Variants in UBE2Z observed in about 807,000 individuals in gnomAD.
UBE2Z encodes ubiquitin-conjugating enzyme E2 Z.
In UBE2Z, 10 loss-of-function variants were observed where a neutral mutation model predicts 32.6. That is an observed-to-expected ratio of 0.31 (90% confidence interval 0.19 to 0.52). The LOEUF (loss-of-function observed/expected upper bound fraction) is 0.52, where lower values mean the gene tolerates loss of function less well. Among genes scored for constraint, UBE2Z ranks in the 20% least tolerant of loss-of-function variants. UBE2Z has a pLI of 0.97. For missense variants in UBE2Z, 343 were observed against 480.9 expected (o/e 0.71, Z 2.68); for synonymous variants, 183 against 190.8 (o/e 0.96, Z 0.34).
intron 6 of UBE2Z, among the ~76,000 whole-genome samples, chr17:48,923,461 C>T (rs1285015969): frequency 1.3e-5 from 2 of 151,706 alleles, no homozygotes; most frequent in Non-Finnish European, 2.9e-5. Flanking sequence ...TGAAACCCCG[C>T]CTCTACTAAA....
chr17:48,917,134 G>A (rs1224167226), intron 4 of UBE2Z, among the ~76,000 whole-genome samples: 2 of 152,090 alleles, frequency 1.3e-5, no homozygotes, highest in Non-Finnish European at 2.9e-5. Context: ...GTGAAACCCA[G>A]TCTGTACTAA....
At chr17:48,923,453 A>C (rs531023468) in intron 6 of UBE2Z, among the ~76,000 whole-genome samples, 13 of 152,040 alleles carry the variant, frequency 8.6e-5, no homozygotes, top group African/African-American at 3.1e-4. Flanking sequence ...CAACATGATG[A>C]AACCCCGCCT....
chr17:48,915,010 G>T (rs541539394), intron 3 of UBE2Z, among the ~76,000 whole-genome samples: 86 of 152,190 alleles, frequency 5.7e-4, no homozygotes, highest in African/African-American at 2.0e-3. Flanking sequence ...GACAGAGGGA[G>T]ACTTTGTCTC....
intron 3 of UBE2Z, among the ~76,000 whole-genome samples, chr17:48,913,890 T>C (rs1331389742): frequency 6.6e-6 from 1 of 151,668 alleles, no homozygotes; most frequent in African/African-American, 2.4e-5. Flanking sequence ...TTTGTTTTGT[T>C]TGTTTTTGTT....
At position 48,908,830 on chromosome 17, in the gene UBE2Z, G is replaced by A. The variant is rs1235297131; in HGVS notation, c.317+10G>A. On this transcript the variant is annotated intron_variant, in intron 1 of 6. Transcript: ENST00000360943. ...TACTCCGGATCAAGCGGTGAGCCGG[G>A]GTTTTTCCTCCCCCAGCCCCGAGCT... 11 of 1,488,654 alleles carry A rather than the reference G, an allele frequency of 7.4e-6. No individual in the cohort carries two copies. Among genetic ancestry groups the A allele is most frequent in the African/African-American group, 2.9e-5 (2 of 68,980 alleles). The allele number at this position is 1,488,654 out of a possible 1,614,324, so 92.2% of individuals were successfully genotyped here.
chr17:48,926,370 C>G (rs1026626369), intron 6 of UBE2Z, among the ~76,000 whole-genome samples: 2 of 152,132 alleles, frequency 1.3e-5, no homozygotes, highest in Admixed American at 1.3e-4. Context: ...TCCTATCTAT[C>G]TCACCCTTAT....
chr17:48,925,281 C>CAAA (rs200181647), intron 6 of UBE2Z, among the ~76,000 whole-genome samples: 1 of 108,294 alleles, frequency 9.2e-6, no homozygotes, highest in Non-Finnish European at 1.8e-5. Context: ...GACTCCACCT[C>CAAA]AAAAAAAAAA....
At chr17:48,909,283 T>C (rs547284504) in intron 1 of UBE2Z, among the ~76,000 whole-genome samples, 28 of 148,046 alleles carry the variant, frequency 1.9e-4, no homozygotes, top group Admixed American at 1.8e-3. Context: ...ACAGACGAAC[T>C]CAGCTTCCTT....
chr17:48,910,789 T>C lies in UBE2Z; in HGVS notation c.318-19T>C, dbSNP rs2040671683. The C allele has an allele frequency of 6.3e-7, 1 of 1,598,250 alleles. No individual in the cohort carries two copies. Among genetic ancestry groups the C allele is most frequent in the Non-Finnish European group, 8.6e-7 (1 of 1,165,794 alleles). On this transcript the variant is annotated intron_variant, in intron 1 of 6. Coordinates refer to ENST00000360943, the MANE Select transcript of UBE2Z (RefSeq NM_023079.5). ...CCTCTTCCTCACTCCTTCCCCCACC[T>C]CCTCTTGGTGTTATACAGGGATATC...
chr17:48,912,476 T>A (rs1011597127), intron 2 of UBE2Z: 1 of 199,376 alleles, frequency 5.0e-6, no homozygotes, highest in Non-Finnish European at 1.0e-5. Context: ...CAGTGGTGTT[T>A]TATCCATTAT....
chr17:48,913,574 C>T (rs898188737), intron 3 of UBE2Z, among the ~76,000 whole-genome samples: 5 of 152,118 alleles, frequency 3.3e-5, no homozygotes, highest in Admixed American at 2.6e-4. Flanking sequence ...AGGATGGTCT[C>T]GATCTCTTGA....
chr17:48,928,472 T>G lies in UBE2Z; in HGVS notation c.*1338T>G, dbSNP rs2040812256. ...TCCCAGTGGGTATTGGCGATTCTTGTGATGCAGGGCCTCAGTCAGTGTCCA... is the reference window on the plus strand; with the variant it reads ...TCCCAGTGGGTATTGGCGATTCTTGGGATGCAGGGCCTCAGTCAGTGTCCA... On this transcript the variant is annotated 3_prime_UTR_variant, in exon 7 of 7. Transcript: ENST00000360943. The G allele has an allele frequency of 6.5e-6, 1 of 152,690 alleles. No individual in the cohort carries two copies. Among genetic ancestry groups the G allele is most frequent in the African/African-American group, 2.4e-5 (1 of 41,440 alleles). 9.5% of individuals were successfully genotyped at this position (152,690 alleles called of 1,614,324 possible).
rs1439374441 is a variant in UBE2Z at position 48,912,986 on chromosome 17, C to A, written c.543C>A (p.Phe181Leu). Residue 181 changes from phenylalanine (F) to leucine (L), a missense_variant, in exon 3 of 7, where the codon TTC becomes TTA. This residue lies in a region of UBE2Z where 182 missense variants were observed against 312.4 expected (regional missense o/e 0.58). Coordinates refer to ENST00000360943, the MANE Select transcript of UBE2Z (RefSeq NM_023079.5). The part of the protein sequence containing the change: ...GNNTVRFNPN[F>L]YRNGKVCLSI... ...ACACAGTGAGGTTTAACCCCAACTT[C>A]TACCGCAATGGGAAAGTCTGCTTGA... 6.2e-7 allele frequency: 1 copy of A among 1,613,954 alleles called. No homozygotes were observed. The highest frequency in any genetic ancestry group is 8.5e-7 in the Non-Finnish European group (1 of 1,179,878).
intron 6 of UBE2Z, among the ~76,000 whole-genome samples, chr17:48,926,132 C>T (rs922618284): frequency 1.3e-5 from 2 of 152,066 alleles, no homozygotes; most frequent in African/African-American, 2.4e-5. Context: ...GGAGCAATGC[C>T]CAGAAACCTG....
intron 6 of UBE2Z, 98 bp from the exon 7 acceptor site, chr17:48,926,866 G>C: frequency 7.4e-7 from 1 of 1,355,438 alleles, no homozygotes; most frequent in Non-Finnish European, 1.0e-6. Flanking sequence ...CCATGGCTCA[G>C]AAGTTGAGCT....
At chr17:48,921,407 A>G in intron 5 of UBE2Z, 135 bp downstream of exon 5, 2 of 706,672 alleles carry the variant, frequency 2.8e-6, no homozygotes, top group Non-Finnish European at 4.7e-6. Flanking sequence ...TTTAAAGAAC[A>G]AGTGGCTGAG....
chr17:48,920,389 G>A (rs767510181), intron 4 of UBE2Z, among the ~76,000 whole-genome samples: 1 of 152,080 alleles, frequency 6.6e-6, no homozygotes, highest in African/African-American at 2.4e-5. Context: ...CCAGCTACTT[G>A]GAAGGCTTGA....
At position 48,928,367 on chromosome 17, in the gene UBE2Z, T is replaced by C. The variant is rs567930192; in HGVS notation, c.*1233T>C. On this transcript the variant is annotated 3_prime_UTR_variant, in exon 7 of 7. Transcript: ENST00000360943. ...AAAAAAAAATGTGCTTTAGGTGCCC[T>C]GTAATCCTGGGCATCAAGGGAATCC... 1 of 152,652 alleles carries C rather than the reference T, an allele frequency of 6.6e-6. No homozygotes were observed. The highest frequency in any genetic ancestry group is 2.4e-5 in the African/African-American group (1 of 41,460). The allele number at this position is 152,652 out of a possible 1,614,324, so 9.5% of individuals were successfully genotyped here. A position where few individuals can be genotyped will look rare whatever the true frequency, so the allele number is the denominator to read the frequency against.
intron 2 of UBE2Z, 103 bp downstream of exon 2, chr17:48,910,983 A>G: frequency 1.0e-6 from 1 of 964,858 alleles, no homozygotes; most frequent in Non-Finnish European, 1.7e-6. Flanking sequence ...GATTACACAG[A>G]TGAAGAAATC....
Sources: allele counts gnomAD v4.1 joint callset (sites outside exome capture counted in the v4.1 genomes callset), GRCh38; gene constraint gnomAD v4.1.1; regional missense constraint gnomAD v4.1.1; transcripts MANE v1.5; gene names NCBI Gene and HGNC (gene_info 2026-07-23, HGNC 2026-07-21).